Variants in ROBO1 observed in about 807,000 individuals in gnomAD.
The protein encoded by ROBO1 is roundabout homolog 1.
In ROBO1, 149 loss-of-function variants were observed where a neutral mutation model predicts 195.9. The ratio of observed to expected loss-of-function variants is 0.76; its 90% CI spans 0.67 to 0.87. The LOEUF (loss-of-function observed/expected upper bound fraction) is 0.87, where lower values mean the gene tolerates loss of function less well. Among genes scored for constraint, ROBO1 ranks in the 40% least tolerant of loss-of-function variants. ROBO1 has a pLI of 0.00. For synonymous variants in ROBO1, 816 were observed against 733.2 expected (o/e 1.11, Z -1.82); for missense variants, 1,933 against 2,068.3 (o/e 0.93, Z 1.27).
chr3:78,711,348 C>CTCCT lies in ROBO1; in HGVS notation c.1045+3045_1045+3048dup, dbSNP rs1191923818. On this transcript the variant is annotated intron_variant, in intron 8 of 30. Transcript: ENST00000464233. ...CTCTCCTTCCTTCCTTCCTTCCTTC[C>CTCCT]TCCTTCCTTCCTTCCTTCCTTCCTT... Among the ~76,000 whole-genome samples the CTCCT allele has an allele frequency of 4.2e-4, 23 of 54,682 alleles. 1 individual carries two copies. Among genetic ancestry groups the CTCCT allele is most frequent in the African/African-American group, 8.2e-4 (9 of 10,916 alleles). 35.9% of individuals were successfully genotyped at this position (54,682 alleles called of 152,430 possible).
At chr3:78,895,965 T>C (rs1407982254) in intron 4 of ROBO1, among the ~76,000 whole-genome samples, 1 of 152,206 alleles carries the variant, frequency 6.6e-6, no homozygotes, top group East Asian at 1.9e-4. Flanking sequence ...AACGGGTGTT[T>C]AATTAATCCT....
intron 3 of ROBO1, among the ~76,000 whole-genome samples, chr3:79,053,007 G>A (rs2078732880): frequency 6.6e-6 from 1 of 152,060 alleles, no homozygotes; most frequent in South Asian, 2.1e-4. Context: ...TCTATTCAGG[G>A]AGGTGGAAGA....
In ROBO1 at chr3:79,159,023, T is replaced by C. The variant is rs2080907894; in HGVS notation, c.89-33484A>G. Among the ~76,000 whole-genome samples the C allele has an allele frequency of 2.0e-5, 3 of 151,946 alleles. No individual in the cohort carries two copies. The South Asian group carries it at 6.2e-4, about 32-fold the overall frequency. ...ACTAAAGTGGAATTGAAAATGAATG[T>C]TTTTGGAAGAAATAATATCCCCCAT... On this transcript the variant is annotated intron_variant, in intron 2 of 30. Transcript: ENST00000464233.
chr3:78,856,695 A>G lies in ROBO1; in HGVS notation c.499+81906T>C, dbSNP rs549390590. Among the ~76,000 whole-genome samples, 55 of 151,684 alleles carry G rather than the reference A, an allele frequency of 3.6e-4. 1 individual carries two copies. The highest frequency in any genetic ancestry group is 1.1e-3 in the African/African-American group (47 of 41,488). ...TAAAAATTACCCAATCTCCTTTGAT[A>G]TATTTTATGTTTAGTACATAATGAA... On this transcript the variant is annotated intron_variant, in intron 4 of 30. Transcript: ENST00000464233.
At chr3:78,937,518 A>G (rs1469351244) in intron 4 of ROBO1, among the ~76,000 whole-genome samples, 5 of 152,054 alleles carry the variant, frequency 3.3e-5, no homozygotes, top group African/African-American at 9.7e-5. Flanking sequence ...AATTTTTGTC[A>G]TATTATATAC....
At chr3:79,203,493 G>C (rs1253604386) in intron 2 of ROBO1, among the ~76,000 whole-genome samples, 1 of 152,168 alleles carries the variant, frequency 6.6e-6, no homozygotes, top group Non-Finnish European at 1.5e-5. Flanking sequence ...TCTTTATGGA[G>C]TCAAGTGGGT....
intron 2 of ROBO1, among the ~76,000 whole-genome samples, chr3:79,433,197 G>A (rs1315749001): frequency 1.3e-5 from 2 of 151,772 alleles, no homozygotes; most frequent in African/African-American, 2.4e-5. Flanking sequence ...CCTCTGACAG[G>A]CCTCAGTGTG....
intron 4 of ROBO1, among the ~76,000 whole-genome samples, chr3:78,773,212 A>G (rs534662709): frequency 2.6e-5 from 4 of 152,222 alleles, no homozygotes; most frequent in African/African-American, 9.6e-5. Flanking sequence ...TATTGGAGAG[A>G]AAACAAAGAG....
intron 1 of ROBO1, among the ~76,000 whole-genome samples, chr3:79,734,874 C>A (rs745641376): frequency 3.3e-5 from 5 of 152,158 alleles, no homozygotes; most frequent in African/African-American, 4.8e-5. Flanking sequence ...ATAGCTAACC[C>A]TGGGCATTTT....
At chr3:79,113,620 A>T (rs1024555746) in intron 3 of ROBO1, among the ~76,000 whole-genome samples, 1 of 152,042 alleles carries the variant, frequency 6.6e-6, no homozygotes. Context: ...ATACAAAATT[A>T]GCCAGGCACA....
At chr3:79,571,960 A>G (rs1050497361) in intron 2 of ROBO1, among the ~76,000 whole-genome samples, 1 of 152,114 alleles carries the variant, frequency 6.6e-6, no homozygotes, top group Non-Finnish European at 1.5e-5. Context: ...GAAAAAAAAA[A>G]TTAAGTGGAA....
intron 8 of ROBO1, among the ~76,000 whole-genome samples, chr3:78,700,997 C>T (rs935158189): frequency 1.3e-5 from 2 of 152,122 alleles, no homozygotes; most frequent in African/African-American, 2.4e-5. Context: ...CTGGTAACCT[C>T]GGGTGATCCA....
intron 2 of ROBO1, among the ~76,000 whole-genome samples, chr3:79,229,053 A>G (rs953365737): frequency 6.6e-6 from 1 of 152,190 alleles, no homozygotes; most frequent in East Asian, 1.9e-4. Flanking sequence ...GCAAATCACC[A>G]TAAGAAAAAT....
At chr3:79,486,934 G>A (rs924944392) in intron 2 of ROBO1, among the ~76,000 whole-genome samples, 1 of 152,086 alleles carries the variant, frequency 6.6e-6, no homozygotes, top group Non-Finnish European at 1.5e-5. Context: ...TATCATCCAG[G>A]AGACAGTACC....
At chr3:79,659,975 A>G (rs1445268307) in intron 1 of ROBO1, among the ~76,000 whole-genome samples, 1 of 152,112 alleles carries the variant, frequency 6.6e-6, no homozygotes, top group South Asian at 2.1e-4. Context: ...GCGTCCCTCA[A>G]AGAGACTACA....
intron 2 of ROBO1, among the ~76,000 whole-genome samples, chr3:79,405,724 A>G (rs2037520868): frequency 1.3e-5 from 2 of 152,198 alleles, no homozygotes; most frequent in African/African-American, 4.8e-5. Context: ...AAACACATAT[A>G]CTATTTTAAC....
chr3:79,019,598 C>T (rs904787344), intron 3 of ROBO1: 1 of 974,592 alleles, frequency 1.0e-6, no homozygotes, highest in African/African-American at 1.8e-5. Flanking sequence ...AAGTTCTGCT[C>T]CTCAATATTT....
At chr3:79,169,806 T>C (rs1003803486) in intron 2 of ROBO1, among the ~76,000 whole-genome samples, 4 of 152,142 alleles carry the variant, frequency 2.6e-5, no homozygotes, top group Admixed American at 6.6e-5. Flanking sequence ...TTCACAAGTT[T>C]AGGTCTTAAT....
chr3:78,669,549 C>A (rs767292437), intron 11 of ROBO1, among the ~76,000 whole-genome samples: 1 of 152,160 alleles, frequency 6.6e-6, no homozygotes, highest in Non-Finnish European at 1.5e-5. Flanking sequence ...GGATATGATG[C>A]CCTGTGAAAG....
Sources: allele counts gnomAD v4.1 joint callset (sites outside exome capture counted in the v4.1 genomes callset), GRCh38; gene constraint gnomAD v4.1.1; transcripts MANE v1.5; gene names NCBI Gene and HGNC (gene_info 2026-07-23, HGNC 2026-07-21).